MKLN1: variants seen among roughly 807,000 people sequenced by gnomAD.
MKLN1 encodes muskelin.
A neutral mutation model predicts 99.0 loss-of-function variants in MKLN1; 18 were observed. The observed-to-expected ratio is 0.18, with a 90% CI of 0.13 to 0.27. The LOEUF (loss-of-function observed/expected upper bound fraction) is 0.27. MKLN1 is among the 10% of genes least tolerant of loss of function. The pLI is 1.00. For missense variants in MKLN1, 621 were observed against 875.9 expected (o/e 0.71, Z 3.67); for synonymous variants, 288 against 293.2 (o/e 0.98, Z 0.18).
intron 1 of MKLN1, among the ~76,000 whole-genome samples, chr7:131,338,705 G>T (rs1237693319): frequency 6.6e-6 from 1 of 152,148 alleles, no homozygotes; most frequent in African/African-American, 2.4e-5. Flanking sequence ...AAAAACGTAC[G>T]ACTTGATCCC....
At chr7:131,365,752 G>A (rs1247334756) in intron 1 of MKLN1, among the ~76,000 whole-genome samples, 1 of 152,084 alleles carries the variant, frequency 6.6e-6, no homozygotes, top group Non-Finnish European at 1.5e-5. Flanking sequence ...TCAGATGATC[G>A]TAGGTATGTG....
intron 6 of MKLN1, among the ~76,000 whole-genome samples, chr7:131,399,859 T>C (rs1390779745): frequency 3.9e-5 from 6 of 152,200 alleles, no homozygotes; most frequent in South Asian, 2.1e-4. Flanking sequence ...AACAACTTCC[T>C]TGTGGTGTGA....
intron 2 of MKLN1, among the ~76,000 whole-genome samples, chr7:131,169,016 C>T (rs1297002271): frequency 6.6e-6 from 1 of 152,028 alleles, no homozygotes; most frequent in Admixed American, 6.6e-5. Context: ...TACAGGCACC[C>T]ACCACCACGC....
intron 17 of MKLN1, among the ~76,000 whole-genome samples, chr7:131,482,626 G>T (rs1458847150): frequency 1.3e-5 from 2 of 152,136 alleles, no homozygotes; most frequent in Admixed American, 6.5e-5. Context: ...AGGCATGGTG[G>T]TGTGAGATGG....
intron 8 of MKLN1, among the ~76,000 whole-genome samples, chr7:131,424,228 T>A (rs891628084): frequency 6.6e-6 from 1 of 152,178 alleles, no homozygotes. Context: ...TTTTAAAAAA[T>A]TTTTTTCTCT....
At chr7:131,288,294 T>C (rs758673290) in intron 3 of MKLN1, among the ~76,000 whole-genome samples, 1 of 152,188 alleles carries the variant, frequency 6.6e-6, no homozygotes, top group Non-Finnish European at 1.5e-5. Flanking sequence ...GCATTAGGTA[T>C]GCCCCTTCAC....
chr7:131,398,006 C>T (rs535904300), intron 5 of MKLN1, among the ~76,000 whole-genome samples: 6 of 152,118 alleles, frequency 3.9e-5, no homozygotes, highest in African/African-American at 4.8e-5. Context: ...TTAATTATAA[C>T]GTGTAAGGAT....
chr7:131,197,354 C>A (rs907114470), intron 2 of MKLN1, among the ~76,000 whole-genome samples: 1 of 150,502 alleles, frequency 6.6e-6, no homozygotes, highest in African/African-American at 2.4e-5. Context: ...CAAATGCGTG[C>A]CACCATGCCC....
intron 2 of MKLN1, among the ~76,000 whole-genome samples, chr7:131,172,699 A>G (rs1277636357): frequency 6.6e-6 from 1 of 152,232 alleles, no homozygotes; most frequent in African/African-American, 2.4e-5. Flanking sequence ...GTACACCATG[A>G]AAAGCCACGG....
intron 8 of MKLN1, among the ~76,000 whole-genome samples, chr7:131,424,984 A>G (rs1051217639): frequency 6.6e-6 from 1 of 151,614 alleles, no homozygotes; most frequent in African/African-American, 2.4e-5. Flanking sequence ...CCTCCTCTCC[A>G]CCTCCTACCT....
At chr7:131,258,022 G>A (rs1420358433) in intron 3 of MKLN1, among the ~76,000 whole-genome samples, 1 of 151,800 alleles carries the variant, frequency 6.6e-6, no homozygotes, top group African/African-American at 2.4e-5. Context: ...TTGGGAGGCT[G>A]AGGCAGCAGG....
chr7:131,372,910 C>A (rs959456194), intron 1 of MKLN1, among the ~76,000 whole-genome samples: 1 of 151,408 alleles, frequency 6.6e-6, no homozygotes, highest in African/African-American at 2.4e-5. Flanking sequence ...TGCTCCCTTC[C>A]CTACCTTCTT....
chr7:131,189,425 C>A (rs542765840), intron 2 of MKLN1, among the ~76,000 whole-genome samples: 3 of 152,048 alleles, frequency 2.0e-5, no homozygotes, highest in Non-Finnish European at 4.4e-5. Flanking sequence ...CTTAGCATTT[C>A]TTTTCCTGGT....
At chr7:131,278,523 T>A (rs967887702) in intron 3 of MKLN1, among the ~76,000 whole-genome samples, 4 of 152,178 alleles carry the variant, frequency 2.6e-5, no homozygotes, top group African/African-American at 9.7e-5. Context: ...TAGGTGCTCA[T>A]TATCCTCATC....
At chr7:131,368,315 A>G (rs1012845701) in intron 1 of MKLN1, among the ~76,000 whole-genome samples, 47 of 152,202 alleles carry the variant, frequency 3.1e-4, no homozygotes, top group African/African-American at 1.1e-3. Flanking sequence ...GTCTTTTTCT[A>G]TGTCTTTAAA....
chr7:131,265,488 A>G (rs1797794833), intron 3 of MKLN1, among the ~76,000 whole-genome samples: 1 of 152,070 alleles, frequency 6.6e-6, no homozygotes, highest in African/African-American at 2.4e-5. Flanking sequence ...CTAGGCTGGC[A>G]TGCTTCCCTG....
chr7:131,358,061 C>T (rs766448901), intron 1 of MKLN1, among the ~76,000 whole-genome samples: 18 of 152,000 alleles, frequency 1.2e-4, no homozygotes, highest in Non-Finnish European at 8.8e-5. Flanking sequence ...TTTTTTCCCC[C>T]GCTTATCTTA....
intron 3 of MKLN1, among the ~76,000 whole-genome samples, chr7:131,203,470 G>A (rs547573210): frequency 2.0e-5 from 3 of 152,170 alleles, no homozygotes; most frequent in South Asian, 2.1e-4. Flanking sequence ...TTTGTGCTGC[G>A]GTGACTTCTC....
At chr7:131,144,263 C>T (rs1430483623) in intron 2 of MKLN1, among the ~76,000 whole-genome samples, 4 of 151,590 alleles carry the variant, frequency 2.6e-5, no homozygotes, top group Non-Finnish European at 5.9e-5. Context: ...CTGAGGCGGG[C>T]GGATCATGAG....
Sources: allele counts gnomAD v4.1 joint callset (sites outside exome capture counted in the v4.1 genomes callset), GRCh38; gene constraint gnomAD v4.1.1; transcripts MANE v1.5; gene names NCBI Gene and HGNC (gene_info 2026-07-23, HGNC 2026-07-21).